Variants in DLG3 observed in about 807,000 individuals in gnomAD.
DLG3 encodes disks large homolog 3.
DLG3 carries 1 observed loss-of-function variant against 64.1 expected under a neutral mutation model. The ratio of observed to expected loss-of-function variants is 0.02; its 90% CI spans 0.01 to 0.07. The LOEUF (loss-of-function observed/expected upper bound fraction) is 0.07, where lower values mean the gene tolerates loss of function less well. DLG3 is among the 10% of genes least tolerant of loss of function. The pLI is 1.00. For missense variants in DLG3, 429 were observed against 669.5 expected, an observed-to-expected ratio of 0.64 and a Z score of 3.96; for synonymous variants, 245 against 259.8, an observed-to-expected ratio of 0.94 and a Z score of 0.55.
intron 9 of DLG3, among the ~76,000 whole-genome samples, chrX:70,471,917 A>G (rs1383216729): frequency 2.7e-5 from 3 of 111,337 alleles, no homozygotes; most frequent in African/African-American, 9.8e-5. Flanking sequence ...CTGTCCTCCA[A>G]TTCTGTCTTA....
intron 3 of DLG3, 85 bp from the exon 4 acceptor site, chrX:70,449,605 G>T: frequency 8.5e-7 from 1 of 1,179,437 alleles, no homozygotes. Context: ...GGGCAGAGGA[G>T]GGGAGGACAG....
In DLG3 at chrX:70,449,379, C is replaced by T. The variant is rs144225009; in HGVS notation, c.429C>T (p.Phe143=). 1.8e-3 allele frequency: 2,139 copies of T among 1,209,847 alleles called. 2 individuals are homozygous for T. The highest frequency in any genetic ancestry group is 3.9e-3 in the Middle Eastern group (17 of 4,355). Reference sequence around the variant, plus strand: ...TGCAGGGCAACTCTGGCCTGGGCTTCAGTATCGCAGGTGGCATCGACAATC... The same window carrying T: ...TGCAGGGCAACTCTGGCCTGGGCTTTAGTATCGCAGGTGGCATCGACAATC... The part of the protein sequence containing the change: ...VLERGNSGLG[F]SIAGGIDNPH... Residue 143 remains phenylalanine (F), a synonymous_variant, in exon 3 of 19, where the codon TTC becomes TTT. Coordinates refer to ENST00000374360, the MANE Select transcript of DLG3 (RefSeq NM_021120.4).
chrX:70,468,132 C>T (rs767448126), intron 9 of DLG3, among the ~76,000 whole-genome samples: 5 of 111,409 alleles, frequency 4.5e-5, no homozygotes, highest in African/African-American at 1.3e-4. Flanking sequence ...TGCAGCGGCG[C>T]GATCTCGGCT....
chrX:70,450,992 C>G lies in DLG3; in HGVS notation c.985+209C>G. 3 of 465,478 alleles carry G rather than the reference C, an allele frequency of 6.4e-6. No individual in the cohort carries two copies. In the South Asian group the frequency reaches 1.0e-4, roughly 16 times the overall value. 38.4% of individuals were successfully genotyped at this position (465,478 alleles called of 1,213,427 possible). On this transcript the variant is annotated intron_variant, in intron 6 of 18. Coordinates refer to ENST00000374360, the MANE Select transcript of DLG3 (RefSeq NM_021120.4). ...TCGTGAAGACTTGCCATAGAGTCAGCATTGGCAATTTTTGACAATTTCTAT... is the reference window on the plus strand; with the variant it reads ...TCGTGAAGACTTGCCATAGAGTCAGGATTGGCAATTTTTGACAATTTCTAT...
At chrX:70,486,018 G>C (rs182226445) in intron 10 of DLG3, among the ~76,000 whole-genome samples, 18 of 111,396 alleles carry the variant, frequency 1.6e-4, no homozygotes, top group African/African-American at 5.5e-4. Flanking sequence ...TTGAGAGCTA[G>C]AGTGCTGAAG....
chrX:70,493,867 C>T (rs1310993303), intron 12 of DLG3, among the ~76,000 whole-genome samples: 1 of 112,509 alleles, frequency 8.9e-6, no homozygotes, highest in Non-Finnish European at 1.9e-5. Context: ...CTCAGTGTTG[C>T]TCTCCTGGTT....
At chrX:70,494,832 C>T (rs2087424033) in intron 12 of DLG3, among the ~76,000 whole-genome samples, 1 of 112,622 alleles carries the variant, frequency 8.9e-6, no homozygotes, top group South Asian at 3.7e-4. Context: ...CTTTGGAGGC[C>T]ACACTCTACA....
chrX:70,464,218 T>TC (rs1267237221), intron 9 of DLG3, among the ~76,000 whole-genome samples: 1 of 104,880 alleles, frequency 9.5e-6, no homozygotes, highest in Non-Finnish European at 1.9e-5. Flanking sequence ...TCCTTTCCTT[T>TC]CCTTTCCTTT....
At chrX:70,477,031 A>G (rs2087065479) in intron 9 of DLG3, among the ~76,000 whole-genome samples, 1 of 112,822 alleles carries the variant, frequency 8.9e-6, no homozygotes. Context: ...TCTGTAGTCT[A>G]TTTTAAGTGG....
intron 9 of DLG3, among the ~76,000 whole-genome samples, chrX:70,456,623 ACTT>A (rs2086712377): frequency 8.9e-6 from 1 of 112,075 alleles, no homozygotes. Flanking sequence ...TCTTTCTACT[ACTT>A]GCCAAATAAG....
intron 1 of DLG3, among the ~76,000 whole-genome samples, chrX:70,447,204 G>A (rs895316319): frequency 7.2e-5 from 8 of 111,438 alleles, no homozygotes; most frequent in African/African-American, 2.6e-4. Flanking sequence ...TTGAGTAGGG[G>A]TGGGGGCTAG....
At chrX:70,449,125 C>T (rs1286714209) in intron 2 of DLG3, among the ~76,000 whole-genome samples, 162 bp downstream of exon 2, 3 of 111,384 alleles carry the variant, frequency 2.7e-5, no homozygotes, top group Non-Finnish European at 3.8e-5. Flanking sequence ...AATCAATCAA[C>T]CCACTAACAA....
chrX:70,502,750 A>G lies in DLG3; in HGVS notation c.*481A>G, dbSNP rs1251138167. The G allele has an allele frequency of 9.3e-6, 1 of 107,654 alleles. No individual in the cohort carries two copies. The highest frequency in any genetic ancestry group is 1.9e-5 in the Non-Finnish European group (1 of 52,454). The allele number at this position is 107,654 out of a possible 1,213,427, so 8.9% of individuals were successfully genotyped here. ...GTGCAACGTAATGGCGACAGAAAGT[A>G]TCTTATTTATATATAGATATATATA... On this transcript the variant is annotated 3_prime_UTR_variant, in exon 19 of 19. Coordinates refer to ENST00000374360, the MANE Select transcript of DLG3 (RefSeq NM_021120.4).
intron 8 of DLG3, 42 bp downstream of exon 8, chrX:70,453,835 A>C (rs1290466353): frequency 6.3e-6 from 7 of 1,104,888 alleles, no homozygotes; most frequent in Non-Finnish European, 7.3e-6. Flanking sequence ...GAACTGTGCC[A>C]GTCTAAAATG....
At chrX:70,452,690 C>G in intron 7 of DLG3, 1 of 1,203,322 alleles carries the variant, frequency 8.3e-7, no homozygotes, top group Non-Finnish European at 1.1e-6. Flanking sequence ...CCGCTTCGGC[C>G]TGGAGGAGGG....
At position 70,500,840 on chromosome X, in the gene DLG3, T is replaced by C. The variant is rs766083229; in HGVS notation, c.2256-58T>C. Reference sequence around the variant, plus strand: ...TTTTAGGGATCCTGGAATAATCCTTTATGGTTAATCAGAACATAAGATCTG... The same window carrying C: ...TTTTAGGGATCCTGGAATAATCCTTCATGGTTAATCAGAACATAAGATCTG... On this transcript the variant is annotated intron_variant, in intron 17 of 18. Coordinates refer to ENST00000374360, the MANE Select transcript of DLG3 (RefSeq NM_021120.4). 1.3e-5 allele frequency: 14 copies of C among 1,059,459 alleles called. No homozygotes were observed. The African/African-American group carries it at 2.4e-4, about 18-fold the overall frequency. 87.3% of individuals were successfully genotyped at this position (1,059,459 alleles called of 1,213,427 possible).
intron 10 of DLG3, among the ~76,000 whole-genome samples, chrX:70,482,909 C>T (rs902152756): frequency 5.5e-5 from 6 of 108,315 alleles, no homozygotes; most frequent in Admixed American, 1.0e-4. Flanking sequence ...CCTCGTGATC[C>T]GCCCACCTCA....
intron 7 of DLG3, chrX:70,452,693 G>T (rs757449904): frequency 5.8e-6 from 7 of 1,203,666 alleles, no homozygotes; most frequent in Admixed American, 2.2e-5. Context: ...CTTCGGCCTG[G>T]AGGAGGGCTT....
At chrX:70,459,301 C>CT (rs1452966745) in intron 9 of DLG3, among the ~76,000 whole-genome samples, 1 of 112,511 alleles carries the variant, frequency 8.9e-6, no homozygotes, top group Non-Finnish European at 1.9e-5. Flanking sequence ...AATAAGCATA[C>CT]TTTTACCATG....
Sources: gnomAD v4.1 joint callset for allele counts (sites outside exome capture counted in the v4.1 genomes callset) on GRCh38, gnomAD v4.1.1 for gene constraint, MANE v1.5 for transcripts, NCBI Gene and HGNC (gene_info 2026-07-23, HGNC 2026-07-21) for gene names.